Variants in CTNNA2 observed in about 807,000 individuals in gnomAD.
CTNNA2 encodes the protein catenin alpha-2.
CTNNA2 carries 42 observed loss-of-function variants against 101.0 expected under a neutral mutation model. That is an observed-to-expected ratio of 0.42 (90% CI 0.32 to 0.54). The LOEUF is 0.54. CTNNA2 is among the 20% of genes least tolerant of loss of function. The pLI is 0.14. For synonymous variants in CTNNA2, 450 were observed against 456.4 expected (o/e 0.99, Z 0.18); for missense variants, 871 against 1,223.1 (o/e 0.71, Z 4.29).
chr2:80,133,257 G>C (rs1702509005), intron 7 of CTNNA2, among the ~76,000 whole-genome samples: 1 of 152,132 alleles, frequency 6.6e-6, no homozygotes, highest in Admixed American at 6.5e-5. Flanking sequence ...GGCGAGGAAG[G>C]ATTCTCCCCT....
chr2:80,550,464 A>G (rs1438581998), intron 11 of CTNNA2, among the ~76,000 whole-genome samples: 1 of 152,214 alleles, frequency 6.6e-6, no homozygotes, highest in Non-Finnish European at 1.5e-5. Flanking sequence ...TCTCTGTAGC[A>G]TGTGAGATGC....
chr2:79,940,165 T>A (rs1688058715), intron 7 of CTNNA2, among the ~76,000 whole-genome samples: 1 of 152,234 alleles, frequency 6.6e-6, no homozygotes, highest in Non-Finnish European at 1.5e-5. Flanking sequence ...GAATCTTTTC[T>A]TTTTATAAAT....
chr2:80,644,444 T>G (rs1011339903), intron 18 of CTNNA2, among the ~76,000 whole-genome samples: 1 of 152,188 alleles, frequency 6.6e-6, no homozygotes, highest in African/African-American at 2.4e-5. Flanking sequence ...ACTTGGTATT[T>G]AAAAACTGTT....
At chr2:80,313,202 C>G (rs922926135) in intron 7 of CTNNA2, among the ~76,000 whole-genome samples, 2 of 152,204 alleles carry the variant, frequency 1.3e-5, no homozygotes, top group Non-Finnish European at 2.9e-5. Flanking sequence ...AGCAACAGGT[C>G]TTCAGTGGTA....
intron 11 of CTNNA2, among the ~76,000 whole-genome samples, chr2:80,548,475 G>A (rs1046392747): frequency 1.3e-5 from 2 of 151,982 alleles, no homozygotes; most frequent in Non-Finnish European, 2.9e-5. Flanking sequence ...TTCCTCCCCC[G>A]AGCCCTGCCT....
At chr2:80,380,265 T>C (rs1005683910) in intron 7 of CTNNA2, among the ~76,000 whole-genome samples, 7 of 152,136 alleles carry the variant, frequency 4.6e-5, no homozygotes, top group Non-Finnish European at 1.0e-4. Context: ...CTCGATCTCC[T>C]GACTTTGTGA....
intron 1 of CTNNA2, among the ~76,000 whole-genome samples, chr2:79,560,634 G>T (rs17714054): frequency 0.048 from 7,301 of 151,924 alleles, 237 homozygotes; most frequent in Non-Finnish European, 0.069. Flanking sequence ...AAAGGCAAAA[G>T]AATGTCTTTT....
At chr2:80,129,130 C>T (rs1702284127) in intron 7 of CTNNA2, among the ~76,000 whole-genome samples, 1 of 152,148 alleles carries the variant, frequency 6.6e-6, no homozygotes, top group South Asian at 2.1e-4. Context: ...TGGGAGTAGA[C>T]ATGATGTTTG....
At chr2:80,559,145 A>G (rs1286958004) in intron 12 of CTNNA2, among the ~76,000 whole-genome samples, 1 of 152,206 alleles carries the variant, frequency 6.6e-6, no homozygotes, top group East Asian at 1.9e-4. Flanking sequence ...TGCACTGAGC[A>G]TTACTGCCCT....
intron 4 of CTNNA2, 123 bp downstream of exon 4, chr2:79,858,302 A>C: frequency 1.7e-6 from 1 of 580,404 alleles, no homozygotes; most frequent in Non-Finnish European, 2.8e-6. Context: ...TTACCTACCC[A>C]TGTGGTGCCC....
rs75226240 is a variant in CTNNA2 at position 80,187,579 on chromosome 2, C to T, written c.1057-205632C>T. Among the ~76,000 whole-genome samples the T allele has an allele frequency of 7.3e-3, 1,118 of 152,134 alleles. 3 individuals carry two copies. The highest frequency in any genetic ancestry group is 0.025 in the African/African-American group (1,042 of 41,492). On this transcript the variant is annotated intron_variant, in intron 7 of 18. Coordinates refer to ENST00000402739, the MANE Select transcript of CTNNA2 (RefSeq NM_001282597.3). The stretch of plus-strand genomic sequence containing the variant: ...AGGGTTGTGTGGTTCAGCCCAAGAA[C>T]GAGGGCAGTAATAGAATAAAGTAAG...
chr2:79,950,928 T>C (rs1005599975), intron 7 of CTNNA2, among the ~76,000 whole-genome samples: 4 of 152,164 alleles, frequency 2.6e-5, no homozygotes, highest in African/African-American at 7.2e-5. Flanking sequence ...GTCTAAAAGT[T>C]TGAAATCTCT....
chr2:80,053,939 G>A (rs1697045982), intron 7 of CTNNA2, among the ~76,000 whole-genome samples: 2 of 152,192 alleles, frequency 1.3e-5, no homozygotes, highest in African/African-American at 4.8e-5. Flanking sequence ...ATTGTAATCA[G>A]TATCAATAAA....
At chr2:79,949,353 T>C (rs1425183429) in intron 7 of CTNNA2, among the ~76,000 whole-genome samples, 1 of 152,242 alleles carries the variant, frequency 6.6e-6, no homozygotes, top group Non-Finnish European at 1.5e-5. Context: ...AGGAATGTTC[T>C]AGACTGATTG....
At chr2:80,361,651 T>C (rs1411619412) in intron 7 of CTNNA2, among the ~76,000 whole-genome samples, 1 of 152,100 alleles carries the variant, frequency 6.6e-6, no homozygotes, top group African/African-American at 2.4e-5. Context: ...GCAGGATTAG[T>C]AGCTGTGATG....
Position 79,909,790 on chromosome 2 carries a change from T to C in CTNNA2, c.1049T>C (p.Met350Thr). 6.2e-7 allele frequency: 1 copy of C among 1,602,636 alleles called. No individual in the cohort carries two copies. The highest frequency in any genetic ancestry group is 8.5e-7 in the Non-Finnish European group (1 of 1,172,208). Residue 350 changes from methionine to threonine, a missense_variant, in exon 7 of 19, where the codon ATG becomes ACG. Met to Thr is a moderately conservative substitution (Grantham distance 81, BLOSUM62 -1). Coordinates refer to ENST00000402739, the MANE Select transcript of CTNNA2 (RefSeq NM_001282597.3). ...CTCCAGGACCTGCTCAGCGAGTACA[T>C]GAATAATGTAAGTCTTGGGATCTCC... is the stretch of plus-strand genomic sequence containing the variant. ...QALQDLLSEY[M>T]NNTGRKEKGD...
chr2:80,349,380 G>A (rs912837046), intron 7 of CTNNA2, among the ~76,000 whole-genome samples: 1 of 152,128 alleles, frequency 6.6e-6, no homozygotes, highest in African/African-American at 2.4e-5. Flanking sequence ...ATTCGTTTGT[G>A]TATTGGGGAT....
chr2:80,485,006 AAATAAT>A (rs929368986), intron 9 of CTNNA2, among the ~76,000 whole-genome samples: 3 of 152,128 alleles, frequency 2.0e-5, no homozygotes, highest in African/African-American at 7.2e-5. Context: ...ACTCCGTCTT[AAATAAT>A]AATAATAACA....
chr2:80,574,073 G>T, intron 12 of CTNNA2, 90 bp from the exon 13 acceptor site: 1 of 1,362,680 alleles, frequency 7.3e-7, no homozygotes. Context: ...CTTTTAGAAT[G>T]CCCGAGGACC....
Sources: gnomAD v4.1 joint callset for allele counts (sites outside exome capture counted in the v4.1 genomes callset) on GRCh38, gnomAD v4.1.1 for gene constraint, MANE v1.5 for transcripts, NCBI Gene and HGNC (gene_info 2026-07-23, HGNC 2026-07-21) for gene names.